PZP: variants seen among roughly 807,000 people sequenced by gnomAD.
PZP encodes PZP alpha-2-macroglobulin like.
Under a neutral mutation model 179.8 loss-of-function variants are expected in PZP, and 150 were observed. The ratio of observed to expected loss-of-function variants is 0.83; its 90% CI spans 0.73 to 0.96. The LOEUF is 0.96. Among genes scored for constraint, PZP ranks in the 40% least tolerant of loss-of-function variants. The pLI, the probability that PZP is intolerant of heterozygous loss-of-function variation, is 0.00. For missense variants in PZP, 1,689 were observed against 1,764.0 expected, an observed-to-expected ratio of 0.96 and a Z score of 0.76; for synonymous variants, 624 against 652.3, an observed-to-expected ratio of 0.96 and a Z score of 0.66.
chr12:9,202,244 TGTACCTTTCTACCTCACTCTGGGTGA>T, intron 4 of PZP, 49 bp downstream of exon 4: 1 of 1,320,256 alleles, frequency 7.6e-7, no homozygotes, highest in Admixed American at 1.7e-5. Flanking sequence ...TCGCTTTTCT[TGTACCTTTCTACCTCACTCTGGGTGA>T]GTATTCCCAC....
intron 29 of PZP, 81 bp downstream of exon 29, chr12:9,154,535 C>A: frequency 1.5e-6 from 2 of 1,304,816 alleles, no homozygotes. Flanking sequence ...ATTGCCTTCT[C>A]TTTTCCATTA....
the PZP span, among the ~76,000 whole-genome samples, chr12:9,137,033 C>T: frequency 1.3e-5 from 2 of 152,224 alleles, no homozygotes; most frequent in East Asian, 1.9e-4. Context: ...TCCAGTTTGA[C>T]ATAGTTCAAC....
At chr12:9,154,486 T>A in intron 29 of PZP, 130 bp downstream of exon 29, 1 of 916,310 alleles carries the variant, frequency 1.1e-6, no homozygotes, top group Non-Finnish European at 1.6e-6. Context: ...ATTCTCATGG[T>A]CCTCAAATAT....
chr12:9,157,386 T>C (rs1328220734), intron 27 of PZP, 31 bp from the exon 28 acceptor site: 1 of 1,591,548 alleles, frequency 6.3e-7, no homozygotes, highest in Non-Finnish European at 8.6e-7. Flanking sequence ...TGTGTCAAAC[T>C]AGGGTGAATA....
chr12:9,160,242 T>G, intron 24 of PZP, 72 bp downstream of exon 24: 1 of 1,364,720 alleles, frequency 7.3e-7, no homozygotes, highest in South Asian at 1.3e-5. Context: ...TAATATTTGA[T>G]GATATAACTG....
In PZP at chr12:9,157,773, TG is replaced by T. The variant is rs1164163085; in HGVS notation, c.3362del (p.Pro1121GlnfsTer20). 6.2e-7 allele frequency: 1 copy of T among 1,613,698 alleles called. No homozygotes were observed. The highest frequency in any genetic ancestry group is 8.5e-7 in the Non-Finnish European group (1 of 1,179,612). ...VTIALLEIPL[P>X]VTNPIVRNAL... is the part of the protein sequence containing the mutation. ...GGATTGAGCTGGTACCTACAGTGAC[TG>T]GGAGAGGAATTTCCAGAAGGGCAAT... On this transcript the variant is annotated frameshift_variant, in exon 27 of 36. Transcript: ENST00000261336. LOFTEE classifies it high-confidence loss of function.
chr12:9,169,667 A>C, intron 15 of PZP, 76 bp from the exon 16 acceptor site: 1 of 1,327,860 alleles, frequency 7.5e-7, no homozygotes, highest in South Asian at 1.8e-5. Context: ...AGAGAAATAA[A>C]ATAATTATCA....
chr12:9,208,263 C>G lies in PZP; in HGVS notation c.79G>C (p.Glu27Gln). The change falls in exon 1 of 36, where the codon GAA becomes CAA. Residue 27 changes from glutamate (E) to glutamine (Q), a missense_variant. This residue lies in a region of PZP where 742 missense variants were observed against 730.5 expected (regional missense o/e 1.02). Coordinates refer to ENST00000261336, the MANE Select transcript of PZP (RefSeq NM_002864.3). ...GGGGTCTTGAGTGAGACTTACGGTT[C>G]TGTAGAGTTTGAGTCACTGGCAGAA... ...LLSASDSNST[E>Q]PQYMVLVPSL... is the part of the protein sequence containing the mutation. 6.2e-7 allele frequency: 1 copy of G among 1,612,204 alleles called. No homozygotes were observed. The highest frequency in any genetic ancestry group is 1.1e-5 in the South Asian group (1 of 91,026).
Position 9,208,258 on chromosome 12 carries a change from C to T in PZP, c.83+1G>A, listed in dbSNP as rs202111005. ...AGGAAGGGGTCTTGAGTGAGACTTA[C>T]GGTTCTGTAGAGTTTGAGTCACTGG... is the stretch of plus-strand genomic sequence containing the variant. On this transcript the variant is annotated splice_donor_variant, in intron 1 of 35. Transcript: ENST00000261336. LOFTEE classifies it high-confidence loss of function. 6.5e-5 allele frequency: 105 copies of T among 1,610,936 alleles called. No homozygotes were observed. The African/African-American group carries it at 8.7e-4, about 13-fold the overall frequency.
At chr12:9,192,774 C>T (rs758650481) in intron 11 of PZP, 35 bp from the exon 12 acceptor site, 1 of 1,431,864 alleles carries the variant, frequency 7.0e-7, no homozygotes, top group South Asian at 1.2e-5. Context: ...AGAATACTGT[C>T]TTGAAATTCT....
chr12:9,169,349 T>G, intron 16 of PZP, 81 bp downstream of exon 16: 1 of 1,299,616 alleles, frequency 7.7e-7, no homozygotes. Context: ...ACATAATTAC[T>G]AAGATTATGA....
intron 22 of PZP, 167 bp downstream of exon 22, chr12:9,162,430 G>T: frequency 1.7e-6 from 1 of 596,650 alleles, no homozygotes; most frequent in Non-Finnish European, 2.9e-6. Context: ...GCTCTCTTGG[G>T]CTCAATGTCT....
downstream of PZP, among the ~76,000 whole-genome samples, chr12:9,144,233 G>A (rs1023621581): frequency 1.3e-5 from 2 of 152,146 alleles, no homozygotes; most frequent in African/African-American, 4.8e-5. Flanking sequence ...GGAGGAGGAG[G>A]GGACAAGTGT....
chr12:9,201,044 C>T lies in PZP; in HGVS notation c.518G>A (p.Arg173Gln), dbSNP rs770828513. Residue 173 changes from arginine (R) to glutamine (Q), a missense_variant, in exon 6 of 36, where the codon CGA (arginine) becomes CAA (glutamine). Arg to Gln is a conservative substitution (Grantham distance 43). Transcript: ENST00000261336. The stretch of plus-strand genomic sequence containing the variant: ...CTTGAGACTCTGCCATTGTGCAATT[C>T]GATTTCTTCTTGGGTTCTGAAGGGA... ...LIYLENPRRN[R>Q]IAQWQSLKLE... 10 of 1,613,842 alleles carry T rather than the reference C, an allele frequency of 6.2e-6. No homozygotes were observed. The highest frequency in any genetic ancestry group is 3.3e-5 in the Admixed American group (2 of 59,980).
At chr12:9,149,093 T>C (rs1940166763) in intron 35 of PZP, 99 bp from the exon 36 acceptor site, 4 of 1,058,544 alleles carry the variant, frequency 3.8e-6, no homozygotes, top group Non-Finnish European at 5.9e-6. Flanking sequence ...GTCAGGAAAC[T>C]TTGTGAAAGG....
intron 29 of PZP, among the ~76,000 whole-genome samples, chr12:9,153,844 G>A (rs1479371156): frequency 6.6e-6 from 1 of 152,054 alleles, no homozygotes; most frequent in Non-Finnish European, 1.5e-5. Flanking sequence ...AAGAAGACAT[G>A]TAGGAGGGAA....
At chr12:9,194,033 C>CTAACAT (rs750593458) in intron 11 of PZP, 44 bp downstream of exon 11, 2 of 1,551,558 alleles carry the variant, frequency 1.3e-6, no homozygotes, top group Non-Finnish European at 1.8e-6. Flanking sequence ...ATCACTGTTC[C>CTAACAT]TAACATTTCC....
At chr12:9,150,582 C>G (rs978309144) in intron 34 of PZP, 62 bp downstream of exon 34, 3 of 1,103,484 alleles carry the variant, frequency 2.7e-6, no homozygotes, top group African/African-American at 3.1e-5. Context: ...AGAGGATCAA[C>G]TGTCACAACA....
intron 20 of PZP, 131 bp downstream of exon 20, chr12:9,164,002 A>G: frequency 7.6e-7 from 1 of 1,319,374 alleles, no homozygotes; most frequent in South Asian, 1.5e-5. Flanking sequence ...CATAGTGGAT[A>G]GAAATAGGAA....
Sources: allele counts gnomAD v4.1 joint callset (sites outside exome capture counted in the v4.1 genomes callset), GRCh38; gene constraint gnomAD v4.1.1; regional missense constraint gnomAD v4.1.1; transcripts MANE v1.5; gene names NCBI Gene and HGNC (gene_info 2026-07-23, HGNC 2026-07-21).